EPAS1: variants seen among roughly 807,000 people sequenced by gnomAD.
EPAS1 encodes the protein endothelial PAS domain protein 1, also known as endothelial PAS domain-containing protein 1.
A neutral mutation model predicts 87.9 loss-of-function variants in EPAS1; 23 were observed. The ratio of observed to expected loss-of-function variants is 0.26; its 90% CI spans 0.19 to 0.37. The LOEUF (loss-of-function observed/expected upper bound fraction) is 0.37. Among genes scored for constraint, EPAS1 ranks in the 10% least tolerant of loss-of-function variants. The probability of loss-of-function intolerance (pLI) is 1.00; values close to 1 mark genes in which losing one functional copy is unlikely to be tolerated. For missense variants in EPAS1, 1,138 were observed against 1,120.7 expected, an observed-to-expected ratio of 1.02 and a Z score of -0.22; for synonymous variants, 508 against 444.3, an observed-to-expected ratio of 1.14 and a Z score of -1.80.
In EPAS1 at chr2:46,360,589, T is replaced by G. The variant is rs371949833; in HGVS notation, c.455-49T>G. On this transcript the variant is annotated intron_variant, in intron 4 of 15. Transcript: ENST00000263734. The surrounding 1 kb of genome is among the most constrained non-coding windows in gnomAD (Gnocchi z 4.5). Reference sequence around the variant, plus strand: ...TGCAGCTGGGCCCCTCTCATGAATATCCATATAAAACTGACTTCAGCTGGT... The same window carrying G: ...TGCAGCTGGGCCCCTCTCATGAATAGCCATATAAAACTGACTTCAGCTGGT... The G allele has an allele frequency of 6.6e-7, 1 of 1,513,096 alleles. No individual in the cohort carries two copies. Among genetic ancestry groups the G allele is most frequent in the Non-Finnish European group, 9.2e-7 (1 of 1,088,500 alleles). The allele number at this position is 1,513,096 out of a possible 1,614,324, so 93.7% of individuals were successfully genotyped here.
At chr2:46,307,716 G>A (rs11903618) in intron 1 of EPAS1, among the ~76,000 whole-genome samples, 8,492 of 152,116 alleles carry the variant, frequency 0.056, 805 homozygotes, top group African/African-American at 0.19. Flanking sequence ...TAGTGCCCCC[G>A]TGCATTTCCC....
chr2:46,382,391 A>G (rs1367253270), intron 14 of EPAS1, 34 bp from the exon 15 acceptor site: 2 of 1,613,852 alleles, frequency 1.2e-6, no homozygotes, highest in South Asian at 1.1e-5. Context: ...CCTCAGGCCA[A>G]TGCTACCGTC....
Position 46,380,215 on chromosome 2 carries a change from G to A in EPAS1, c.1555-12G>A, listed in dbSNP as rs1558611752. 22 of 1,608,138 alleles carry A rather than the reference G, an allele frequency of 1.4e-5. No individual in the cohort carries two copies. Among genetic ancestry groups the A allele is most frequent in the Non-Finnish European group, 1.9e-5 (22 of 1,179,970 alleles). On this transcript the variant is annotated splice_polypyrimidine_tract_variant and intron_variant, in intron 11 of 15. Coordinates refer to ENST00000263734, the MANE Select transcript of EPAS1 (RefSeq NM_001430.5). This position sits in a 1 kb window ranked among gnomAD's most constrained non-coding sequence, Gnocchi z 4.4. ...ACCCCCTTGCCTCTTTGCCGGTGCTGTCTCCCCTCAGACGGATTTCAATGA... is the reference window on the plus strand; with the variant it reads ...ACCCCCTTGCCTCTTTGCCGGTGCTATCTCCCCTCAGACGGATTTCAATGA...
intron 1 of EPAS1, among the ~76,000 whole-genome samples, chr2:46,299,557 A>G (rs1353825145): frequency 1.3e-5 from 2 of 152,256 alleles, no homozygotes; most frequent in Non-Finnish European, 2.9e-5. Flanking sequence ...GCAAAGTTAT[A>G]GACAGCGCCT....
chr2:46,372,739 C>T (rs1272963048), intron 7 of EPAS1, among the ~76,000 whole-genome samples: 1 of 152,234 alleles, frequency 6.6e-6, no homozygotes, highest in Non-Finnish European at 1.5e-5. Flanking sequence ...AGAGCAGGCC[C>T]TTGCCTGCAA....
At chr2:46,305,503 A>G (rs572999414) in intron 1 of EPAS1, among the ~76,000 whole-genome samples, 69 of 152,278 alleles carry the variant, frequency 4.5e-4, no homozygotes, top group African/African-American at 1.6e-3. Flanking sequence ...TTAAAGTTAT[A>G]AGTAATTTCC....
At position 46,360,994 on chromosome 2, in the gene EPAS1, C is replaced by A. The variant is rs755351468; in HGVS notation, c.683C>A (p.Pro228Gln). 1 of 1,614,146 alleles carries A rather than the reference C, an allele frequency of 6.2e-7. No individual in the cohort carries two copies. The highest frequency in any genetic ancestry group is 1.1e-5 in the South Asian group (1 of 91,078). Reference protein sequence around the residue: ...LLSCLIIMCEPIQHPSHMDIP... With the variant: ...LLSCLIIMCEQIQHPSHMDIP... ...TCCTGCCTCATCATCATGTGTGAAC[C>A]AATCCAGCACCCATCCCACATGGAC... The change falls in exon 6 of 16, where the codon CCA (proline) becomes CAA (glutamine). Residue 228 changes from proline (P) to glutamine (Q), a missense_variant. Physicochemically the swap from Pro to Gln is moderately conservative, Grantham distance 76. Transcript: ENST00000263734. This position sits in a 1 kb window ranked among gnomAD's most constrained non-coding sequence, Gnocchi z 4.5.
rs1442244525 is a variant in EPAS1 at position 46,380,217 on chromosome 2, C to G, written c.1555-10C>G. ...CCCCTTGCCTCTTTGCCGGTGCTGT[C>G]TCCCCTCAGACGGATTTCAATGAGC... On this transcript the variant is annotated splice_polypyrimidine_tract_variant and intron_variant, in intron 11 of 15. Coordinates refer to ENST00000263734, the MANE Select transcript of EPAS1 (RefSeq NM_001430.5). The surrounding 1 kb of genome is among the most constrained non-coding windows in gnomAD (Gnocchi z 4.4). The G allele has an allele frequency of 6.8e-6, 11 of 1,608,436 alleles. No homozygotes were observed. Among genetic ancestry groups the G allele is most frequent in the African/African-American group, 1.3e-5 (1 of 74,890 alleles).
At chr2:46,307,942 C>G (rs1332815307) in intron 1 of EPAS1, among the ~76,000 whole-genome samples, 8 of 152,170 alleles carry the variant, frequency 5.3e-5, no homozygotes, top group Non-Finnish European at 7.4e-5. Flanking sequence ...CACTCAGGGC[C>G]TCAGTAAAGA....
At chr2:46,363,947 C>T (rs1037833578) in intron 6 of EPAS1, among the ~76,000 whole-genome samples, 1 of 152,196 alleles carries the variant, frequency 6.6e-6, no homozygotes, top group African/African-American at 2.4e-5. Context: ...ATGGCTTAGA[C>T]AGTTGATGAA....
chr2:46,376,401 T>A (rs561323800), intron 8 of EPAS1, 138 bp from the exon 9 acceptor site: 4 of 812,926 alleles, frequency 4.9e-6, no homozygotes, highest in Non-Finnish European at 8.7e-6. Context: ...ATTGTATGGT[T>A]CTTTATAAGA....
rs776594528 is a variant in EPAS1 at position 46,380,222 on chromosome 2, C to T, written c.1555-5C>T. 2 of 1,609,368 alleles carry T rather than the reference C, an allele frequency of 1.2e-6. No individual in the cohort carries two copies. The highest frequency in any genetic ancestry group is 1.3e-5 in the African/African-American group (1 of 74,904). Reference sequence around the variant, plus strand: ...TGCCTCTTTGCCGGTGCTGTCTCCCCTCAGACGGATTTCAATGAGCTGGAC... The same window carrying T: ...TGCCTCTTTGCCGGTGCTGTCTCCCTTCAGACGGATTTCAATGAGCTGGAC... On this transcript the variant is annotated splice_region_variant and splice_polypyrimidine_tract_variant and intron_variant, in intron 11 of 15. Coordinates refer to ENST00000263734, the MANE Select transcript of EPAS1 (RefSeq NM_001430.5). The surrounding 1 kb of genome is among the most constrained non-coding windows in gnomAD (Gnocchi z 4.4).
chr2:46,352,150 G>A (rs544089678), intron 2 of EPAS1, among the ~76,000 whole-genome samples: 15 of 152,278 alleles, frequency 9.9e-5, no homozygotes, highest in African/African-American at 3.6e-4. Context: ...AAGGGTCCTC[G>A]GAAGCAAGTA....
At chr2:46,302,171 G>GGC (rs372000976) in intron 1 of EPAS1, among the ~76,000 whole-genome samples, 5 of 144,920 alleles carry the variant, frequency 3.5e-5, no homozygotes, top group African/African-American at 1.3e-4. Context: ...GGGGGGGGGG[G>GGC]CAGTGGTGAT....
intron 1 of EPAS1, among the ~76,000 whole-genome samples, chr2:46,302,573 G>C (rs977972000): frequency 2.0e-5 from 3 of 151,928 alleles, no homozygotes; most frequent in African/African-American, 7.3e-5. Flanking sequence ...CATGCTGCCT[G>C]TTCACATGAT....
At chr2:46,306,819 A>G (rs1033904216) in intron 1 of EPAS1, among the ~76,000 whole-genome samples, 27 of 152,236 alleles carry the variant, frequency 1.8e-4, no homozygotes, top group African/African-American at 6.3e-4. Context: ...GGGAAATGAG[A>G]CACAATGTTT....
At chr2:46,336,250 C>G (rs1417096835) in intron 1 of EPAS1, among the ~76,000 whole-genome samples, 2 of 152,140 alleles carry the variant, frequency 1.3e-5, no homozygotes, top group Non-Finnish European at 2.9e-5. Flanking sequence ...AGCCCAGGTT[C>G]CACTGAAGGA....
chr2:46,361,122 A>G, intron 6 of EPAS1, 32 bp downstream of exon 6: 1 of 1,609,008 alleles, frequency 6.2e-7, no homozygotes, highest in Non-Finnish European at 8.5e-7. Context: ...TGCTGTGGGC[A>G]GAGATGGGTC....
intron 1 of EPAS1, among the ~76,000 whole-genome samples, chr2:46,298,590 G>C (rs1364626910): frequency 6.6e-6 from 1 of 152,230 alleles, no homozygotes; most frequent in Non-Finnish European, 1.5e-5. Flanking sequence ...ATTGCCCTGC[G>C]GGGGCAGATG....
Sources: gnomAD v4.1 joint callset for allele counts (sites outside exome capture counted in the v4.1 genomes callset) on GRCh38, gnomAD v4.1.1 for gene constraint, Gnocchi (gnomAD v3.1) non-coding constraint, MANE v1.5 for transcripts, NCBI Gene and HGNC (gene_info 2026-07-23, HGNC 2026-07-21) for gene names.